ANKRD28: variants seen among roughly 807,000 people sequenced by gnomAD.
ANKRD28 encodes serine/threonine-protein phosphatase 6 regulatory ankyrin repeat subunit A.
ANKRD28 carries 44 observed loss-of-function variants against 126.5 expected under a neutral mutation model. That is an observed-to-expected ratio of 0.35 (90% CI 0.27 to 0.45). The LOEUF (loss-of-function observed/expected upper bound fraction) is 0.45, where lower values mean the gene tolerates loss of function less well. ANKRD28 is among the 20% of genes least tolerant of loss of function. The probability of loss-of-function intolerance (pLI) is 1.00; values close to 1 mark genes in which losing one functional copy is unlikely to be tolerated. For missense variants in ANKRD28, 1,110 were observed against 1,316.6 expected, an observed-to-expected ratio of 0.84 and a Z score of 2.43; for synonymous variants, 442 against 468.5, an observed-to-expected ratio of 0.94 and a Z score of 0.73.
At chr3:15,726,300 G>A (rs988924881) in intron 6 of ANKRD28, among the ~76,000 whole-genome samples, 6 of 152,158 alleles carry the variant, frequency 3.9e-5, no homozygotes, top group Admixed American at 6.5e-5. Context: ...GGCCTCCTGT[G>A]ACAAAGTTAC....
At chr3:15,725,310 C>T (rs1165695365) in intron 6 of ANKRD28, among the ~76,000 whole-genome samples, 1 of 152,124 alleles carries the variant, frequency 6.6e-6, no homozygotes, top group Non-Finnish European at 1.5e-5. Context: ...AACTAATACC[C>T]TAAGGATAAC....
At chr3:15,714,740 C>A in intron 8 of ANKRD28, 84 bp from the exon 9 acceptor site, 2 of 880,048 alleles carry the variant, frequency 2.3e-6, no homozygotes, top group South Asian at 2.7e-5. Context: ...CCTCTTGCAT[C>A]TTTATTTTTA....
intron 3 of ANKRD28, among the ~76,000 whole-genome samples, chr3:15,757,819 A>G (rs1240950553): frequency 1.3e-5 from 2 of 152,220 alleles, no homozygotes; most frequent in Admixed American, 1.3e-4. Context: ...CTAACATTAA[A>G]AAGATCTATG....
intron 2 of ANKRD28, among the ~76,000 whole-genome samples, chr3:15,776,411 T>G (rs915956469): frequency 2.0e-5 from 3 of 152,238 alleles, no homozygotes; most frequent in Admixed American, 2.0e-4. Flanking sequence ...CTGTGTTGGA[T>G]GCATTCAGTG....
Position 15,730,936 on chromosome 3 carries a change from CGAGCTCCTTAAAAAAGAT to C in ANKRD28, c.640+4456_640+4473del, listed in dbSNP as rs551748686. Among the ~76,000 whole-genome samples the C allele has an allele frequency of 2.1e-4, 32 of 152,254 alleles. No individual in the cohort carries two copies. The South Asian group carries it at 4.2e-3, about 20-fold the overall frequency. On this transcript the variant is annotated intron_variant, in intron 6 of 27. Coordinates refer to ENST00000683139, the MANE Select transcript of ANKRD28 (RefSeq NM_001349278.2). ...GAACATATCAATGCTATCTTGGGAT[CGAGCTCCTTAAAAAAGAT>C]GAGTTTGACTCCCCACAATGTGGTG... is the stretch of plus-strand genomic sequence containing the variant.
At chr3:15,847,273 G>C (rs1179219446) in intron 1 of ANKRD28, among the ~76,000 whole-genome samples, 2 of 152,154 alleles carry the variant, frequency 1.3e-5, no homozygotes, top group Non-Finnish European at 2.9e-5. Context: ...AAAAAATTAA[G>C]ACTTCATGTC....
intron 1 of ANKRD28, among the ~76,000 whole-genome samples, chr3:15,858,299 C>G (rs1383294034): frequency 6.6e-6 from 1 of 152,144 alleles, no homozygotes; most frequent in African/African-American, 2.4e-5. Context: ...AGTATCATGA[C>G]CTGATGTTAA....
rs2074016107 is a variant in ANKRD28 at position 15,724,507 on chromosome 3, T to C, written c.658A>G (p.Lys220Glu). The change falls in exon 7 of 28, where the codon AAA becomes GAA. Residue 220 changes from lysine to glutamate, a missense_variant. By Grantham distance (56) the Lys-to-Glu change is moderately conservative. Coordinates refer to ENST00000683139, the MANE Select transcript of ANKRD28 (RefSeq NM_001349278.2). ...AAYMGHIEVV[K>E]LLVSHGAEVT... ...TCAGCTCCATGCGACACAAGCAATT[T>C]CACTACTTCAATGTGACCTAAAAAT... 3 of 1,584,954 alleles carry C rather than the reference T, an allele frequency of 1.9e-6. No individual in the cohort carries two copies. Among genetic ancestry groups the C allele is most frequent in the Non-Finnish European group, 2.6e-6 (3 of 1,164,422 alleles).
chr3:15,713,689 G>A, intron 9 of ANKRD28, 48 bp from the exon 10 acceptor site: 2 of 1,238,640 alleles, frequency 1.6e-6, no homozygotes, highest in Non-Finnish European at 2.3e-6. Flanking sequence ...TAAAGATCAG[G>A]TCAAACGTAC....
chr3:15,744,453 G>A (rs2057338229), intron 4 of ANKRD28, among the ~76,000 whole-genome samples: 1 of 150,684 alleles, frequency 6.6e-6, no homozygotes, highest in South Asian at 2.1e-4. Flanking sequence ...GAAACTACAG[G>A]CGGGCACCAC....
chr3:15,764,848 C>T (rs2058667384), intron 3 of ANKRD28, among the ~76,000 whole-genome samples: 1 of 152,082 alleles, frequency 6.6e-6, no homozygotes, highest in African/African-American at 2.4e-5. Flanking sequence ...CATAAAGAAG[C>T]TAACAAAATA....
intron 6 of ANKRD28, among the ~76,000 whole-genome samples, chr3:15,725,970 G>C (rs912696957): frequency 1.4e-4 from 21 of 152,240 alleles, no homozygotes; most frequent in Middle Eastern, 3.4e-3. Flanking sequence ...TTGATCCCTG[G>C]AAGTGGAGGT....
At chr3:15,856,924 C>T (rs1362369171) in intron 1 of ANKRD28, among the ~76,000 whole-genome samples, 1 of 152,210 alleles carries the variant, frequency 6.6e-6, no homozygotes. Flanking sequence ...CTTCCTATGT[C>T]AAGTGTATAT....
At chr3:15,672,248 A>C (rs2066448938) in intron 27 of ANKRD28, among the ~76,000 whole-genome samples, 1 of 150,966 alleles carries the variant, frequency 6.6e-6, no homozygotes, top group African/African-American at 2.4e-5. Context: ...GGCTCAAGTG[A>C]TCCTCCCACC....
At chr3:15,798,066 G>A, upstream of ANKRD28, 1 of 985,368 alleles carries the variant, frequency 1.0e-6, no homozygotes, top group South Asian at 4.7e-5. Flanking sequence ...GTTCATGCCA[G>A]TTCTGTGACT....
chr3:15,808,275 G>A (rs2060631691), intron 1 of ANKRD28, among the ~76,000 whole-genome samples: 1 of 152,172 alleles, frequency 6.6e-6, no homozygotes, highest in Admixed American at 6.5e-5. Context: ...TGCCAGAAAT[G>A]AAGTATTACT....
chr3:15,773,399 C>T (rs142937391), intron 2 of ANKRD28, among the ~76,000 whole-genome samples: 2 of 152,174 alleles, frequency 1.3e-5, no homozygotes, highest in East Asian at 1.9e-4. Flanking sequence ...CTAAGGTGGG[C>T]GGATCACCTG....
chr3:15,746,259 G>GT (rs1422745827), intron 4 of ANKRD28, among the ~76,000 whole-genome samples: 1 of 152,128 alleles, frequency 6.6e-6, no homozygotes. Context: ...AATAGAAGTG[G>GT]TGAAAGTAGG....
rs1367289005 is a variant in ANKRD28 at position 15,814,003 on chromosome 3, GC to G, written c.28-18698del. ...CAAGACAGAGATCTTAGATTTATAA[GC>G]CCCCTCCACTGAAAATTTACTTGAA... On this transcript the variant is annotated intron_variant, in intron 1 of 27. Coordinates refer to the ANKRD28 transcript ENST00000399451. The surrounding 1 kb of genome is among the most constrained non-coding windows in gnomAD (Gnocchi z 4.7). 6.6e-6 allele frequency among the ~76,000 whole-genome samples: 1 copy of G among 152,052 alleles called. No individual in the cohort carries two copies. Among genetic ancestry groups the G allele is most frequent in the African/African-American group, 2.4e-5 (1 of 41,406 alleles).
Sources: allele counts gnomAD v4.1 joint callset (sites outside exome capture counted in the v4.1 genomes callset), GRCh38; gene constraint gnomAD v4.1.1; non-coding constraint Gnocchi (gnomAD v3.1); transcripts MANE v1.5; gene names NCBI Gene and HGNC (gene_info 2026-07-23, HGNC 2026-07-21).